The following MALRD1 variants were observed in gnomAD, a reference collection of about 807,000 sequenced individuals.
MALRD1 encodes MAM and LDL receptor class A domain containing 1, also known as MAM and LDL-receptor class A domain-containing protein 1.
MALRD1 carries 247 observed loss-of-function variants against 242.1 expected under a neutral mutation model. The observed-to-expected ratio is 1.02, with a 90% CI of 0.92 to 1.13. The LOEUF is 1.13. MALRD1 is among the 50% of genes most tolerant of loss of function. The pLI, the probability that MALRD1 is intolerant of heterozygous loss-of-function variation, is 0.00. For missense variants in MALRD1, 2,989 were observed against 2,533.1 expected (o/e 1.18, Z -3.86); for synonymous variants, 995 against 866.6 (o/e 1.15, Z -2.60).
chr10:19,595,854 G>T (rs553342706), intron 34 of MALRD1, among the ~76,000 whole-genome samples: 1 of 152,136 alleles, frequency 6.6e-6, no homozygotes, highest in South Asian at 2.1e-4. Context: ...TTTCCTTTTT[G>T]ATCAAGTGAC....
At chr10:19,408,919 A>G (rs1443988612) in intron 28 of MALRD1, among the ~76,000 whole-genome samples, 1 of 152,248 alleles carries the variant, frequency 6.6e-6, no homozygotes, top group South Asian at 2.1e-4. Flanking sequence ...GCAATACCAT[A>G]TAATCCAGCA....
chr10:19,652,205 C>A (rs1030981728), intron 36 of MALRD1, among the ~76,000 whole-genome samples: 1 of 152,188 alleles, frequency 6.6e-6, no homozygotes, highest in African/African-American at 2.4e-5. Flanking sequence ...AAGCAAGTGT[C>A]AGGTGTGTCC....
At chr10:19,255,726 A>G (rs888663308) in intron 18 of MALRD1, among the ~76,000 whole-genome samples, 5 of 152,064 alleles carry the variant, frequency 3.3e-5, no homozygotes, top group African/African-American at 9.7e-5. Context: ...TAAATTATGT[A>G]TTAGAGCAAA....
At chr10:19,293,399 A>G (rs899643280) in intron 21 of MALRD1, among the ~76,000 whole-genome samples, 4 of 152,216 alleles carry the variant, frequency 2.6e-5, no homozygotes, top group Non-Finnish European at 5.9e-5. Context: ...ATAAAGCACA[A>G]TTATCCCTCT....
chr10:19,719,232 A>G (rs1247132945), intron 38 of MALRD1, among the ~76,000 whole-genome samples: 2 of 39,618 alleles, frequency 5.0e-5, no homozygotes, highest in African/African-American at 3.1e-4. Context: ...ACATATATAT[A>G]TATATATATA....
intron 39 of MALRD1, among the ~76,000 whole-genome samples, chr10:19,732,842 A>G (rs1172283876): frequency 6.6e-6 from 1 of 152,114 alleles, no homozygotes; most frequent in East Asian, 1.9e-4. Context: ...AATGGTTTCC[A>G]CTGTGTGTGA....
At chr10:19,495,389 C>G (rs1470355533) in intron 30 of MALRD1, among the ~76,000 whole-genome samples, 1 of 151,192 alleles carries the variant, frequency 6.6e-6, no homozygotes, top group Non-Finnish European at 1.5e-5. Flanking sequence ...GTGAATCTTT[C>G]AGCAGTGAAT....
intron 8 of MALRD1, 88 bp from the exon 9 acceptor site, chr10:19,133,768 C>A: frequency 2.0e-6 from 1 of 495,518 alleles, no homozygotes; most frequent in Non-Finnish European, 3.1e-6. Context: ...TAAGGTAATA[C>A]CTACTACAGT....
intron 36 of MALRD1, among the ~76,000 whole-genome samples, chr10:19,678,468 C>T (rs1842228049): frequency 6.6e-6 from 1 of 151,876 alleles, no homozygotes; most frequent in African/African-American, 2.4e-5. Flanking sequence ...TGGCTCTCTG[C>T]TCGTATATTG....
chr10:19,487,274 A>C (rs1020602721), intron 29 of MALRD1, among the ~76,000 whole-genome samples: 14 of 152,094 alleles, frequency 9.2e-5, no homozygotes, highest in African/African-American at 3.1e-4. Flanking sequence ...AAAATGGCTA[A>C]ACACATGCAA....
At chr10:19,460,552 C>T (rs1835890271) in intron 29 of MALRD1, among the ~76,000 whole-genome samples, 1 of 151,898 alleles carries the variant, frequency 6.6e-6, no homozygotes. Context: ...TGGAGCAAGC[C>T]ACTGAAATCA....
chr10:19,595,374 G>T lies in MALRD1; in HGVS notation c.5861G>T (p.Cys1954Phe), dbSNP rs915512008. The T allele has an allele frequency of 6.4e-7, 1 of 1,550,448 alleles. No individual in the cohort carries two copies. Among genetic ancestry groups the T allele is most frequent in the Non-Finnish European group, 8.7e-7 (1 of 1,146,886 alleles). ...CTCTGTAGTAACATGGAGTTCCCGT[G>T]CTCTACAGACGAGTGTATACCTTCC... ...PPLCSNMEFP[C>F]STDECIPSLL... The change falls in exon 34 of 40, where the codon TGC (cysteine) becomes TTC (phenylalanine). Residue 1954 changes from cysteine (C) to phenylalanine (F), a missense_variant. Coordinates refer to ENST00000454679, the MANE Select transcript of MALRD1 (RefSeq NM_001142308.3).
chr10:19,641,354 G>C (rs1476399499), intron 36 of MALRD1, among the ~76,000 whole-genome samples: 1 of 152,142 alleles, frequency 6.6e-6, no homozygotes, highest in African/African-American at 2.4e-5. Flanking sequence ...TCACTAAACA[G>C]AGGCTTTACA....
intron 2 of MALRD1, among the ~76,000 whole-genome samples, chr10:19,077,059 T>A (rs1442600865): frequency 6.6e-6 from 1 of 152,024 alleles, no homozygotes; most frequent in Middle Eastern, 3.2e-3. Flanking sequence ...TGAGGCAACT[T>A]TAAATGAGAT....
At chr10:19,062,266 TCTC>T (rs1834845087) in intron 1 of MALRD1, among the ~76,000 whole-genome samples, 2 of 152,032 alleles carry the variant, frequency 1.3e-5, no homozygotes, top group Admixed American at 1.3e-4. Flanking sequence ...ATCCAAAAAA[TCTC>T]CTAGAAAATA....
At chr10:19,157,075 T>A (rs1169421153) in intron 12 of MALRD1, among the ~76,000 whole-genome samples, 2 of 152,000 alleles carry the variant, frequency 1.3e-5, no homozygotes, top group Admixed American at 6.6e-5. Flanking sequence ...ATTTTAGGAG[T>A]CTTTGAGTTA....
intron 18 of MALRD1, among the ~76,000 whole-genome samples, chr10:19,241,629 G>A (rs1468176620): frequency 6.6e-6 from 1 of 151,848 alleles, no homozygotes; most frequent in East Asian, 1.9e-4. Context: ...CTAGTTACTT[G>A]AAGTGTATAA....
intron 38 of MALRD1, among the ~76,000 whole-genome samples, chr10:19,713,232 A>G (rs576933020): frequency 7.2e-4 from 109 of 152,312 alleles, no homozygotes; most frequent in Non-Finnish European, 1.4e-3. Context: ...TCTTATTCTT[A>G]TCATCAACAG....
intron 2 of MALRD1, 28 bp from the exon 3 acceptor site, chr10:19,087,812 T>A: frequency 8.5e-7 from 1 of 1,175,400 alleles, no homozygotes; most frequent in Non-Finnish European, 1.1e-6. Context: ...CTGGTTTTTT[T>A]TTGTACCCTG....
Sources: allele counts gnomAD v4.1 joint callset (sites outside exome capture counted in the v4.1 genomes callset), GRCh38; gene constraint gnomAD v4.1.1; transcripts MANE v1.5; gene names NCBI Gene and HGNC (gene_info 2026-07-23, HGNC 2026-07-21).